The following PDE3B variants were observed in gnomAD, a reference collection of about 807,000 sequenced individuals.
The protein encoded by PDE3B is phosphodiesterase 3B.
In PDE3B, 66 loss-of-function variants were observed where a neutral mutation model predicts 116.8. The ratio of observed to expected loss-of-function variants is 0.56; its 90% CI spans 0.46 to 0.69. The LOEUF (loss-of-function observed/expected upper bound fraction) is 0.69, where lower values mean the gene tolerates loss of function less well. Ranked by LOEUF, PDE3B falls within the 30% of genes least tolerant of loss-of-function variation. The pLI is 0.00. For missense variants in PDE3B, 1,384 were observed against 1,368.1 expected (o/e 1.01, Z -0.18); for synonymous variants, 595 against 533.6 (o/e 1.12, Z -1.59).
At chr11:14,811,628 T>C (rs1859134629) in intron 5 of PDE3B, among the ~76,000 whole-genome samples, 2 of 152,120 alleles carry the variant, frequency 1.3e-5, no homozygotes, top group Admixed American at 1.3e-4. Flanking sequence ...ATGTGGGCTC[T>C]TTTTTGGTTC....
chr11:14,775,484 A>G (rs1857758771), intron 2 of PDE3B: 1 of 152,112 alleles, frequency 6.6e-6, no homozygotes, highest in African/African-American at 2.4e-5. Context: ...TACCATCCAA[A>G]TGGAAGGTTT....
At chr11:14,679,420 T>G (rs1390324253) in intron 1 of PDE3B, among the ~76,000 whole-genome samples, 2 of 152,200 alleles carry the variant, frequency 1.3e-5, no homozygotes, top group Admixed American at 6.5e-5. Context: ...TTTCTTGCTT[T>G]GTTTGTGCAT....
chr11:14,892,210 C>T, the PDE3B span: 3 of 1,608,952 alleles, frequency 1.9e-6, no homozygotes, highest in Non-Finnish European at 2.5e-6. Context: ...CCACATCGGC[C>T]CGAGCTGGAG....
downstream of PDE3B, among the ~76,000 whole-genome samples, chr11:14,875,511 G>A (rs1848180804): frequency 6.6e-6 from 1 of 152,090 alleles, no homozygotes; most frequent in East Asian, 1.9e-4. Context: ...TGAGAGAGAA[G>A]GCATCCCTAT....
chr11:14,643,823 GGGAAA>G lies in PDE3B; in HGVS notation c.-252_-248del, dbSNP rs1565067507. The G allele has an allele frequency of 1.1e-5, 5 of 449,316 alleles. No individual in the cohort carries two copies. The highest frequency in any genetic ancestry group is 3.8e-6 in the Non-Finnish European group (1 of 261,200). 27.8% of individuals were successfully genotyped at this position (449,316 alleles called of 1,614,324 possible). A position where few individuals can be genotyped will look rare whatever the true frequency, so the allele number is the denominator to read the frequency against. ...GTCTCCAGTCCCGAGAGGTGCCCGA[GGGAAA>G]AGGAGGCGGCAGCTAAACTGGTCCT... On this transcript the variant is annotated 5_prime_UTR_variant, in exon 1 of 16. Transcript: ENST00000282096.
chr11:14,790,572 A>T (rs1858351435), intron 4 of PDE3B, among the ~76,000 whole-genome samples: 1 of 152,080 alleles, frequency 6.6e-6, no homozygotes, highest in African/African-American at 2.4e-5. Flanking sequence ...TGCCTCAGAT[A>T]ATTGATTACA....
chr11:14,898,821 GCTT>G, the PDE3B span, among the ~76,000 whole-genome samples: 4 of 151,722 alleles, frequency 2.6e-5, no homozygotes, highest in Non-Finnish European at 5.9e-5. Flanking sequence ...CAAGTTGCTT[GCTT>G]CTTTTTTTTT....
In PDE3B at chr11:14,830,760, G is replaced by A; in HGVS notation, c.1870G>A (p.Glu624Lys). Residue 624 changes from glutamate (E) to lysine (K), a missense_variant, in exon 8 of 16, where the codon GAA (glutamate) becomes AAA (lysine). By Grantham distance (56) the Glu-to-Lys change is moderately conservative. This residue lies in a region of PDE3B where 956 missense variants were observed against 806.8 expected (regional missense o/e 1.18). Transcript: ENST00000282096. ...ACTTATGGAAACTCAACAAGAAGAGGAAACAGAGAAGAAAGACAGCAGAAA... is the reference window on the plus strand; with the variant it reads ...ACTTATGGAAACTCAACAAGAAGAGAAAACAGAGAAGAAAGACAGCAGAAA... ...FKLMETQQEE[E>K]TEKKDSRKLF... 1 of 1,537,556 alleles carries A rather than the reference G, an allele frequency of 6.5e-7. No individual in the cohort carries two copies. Among genetic ancestry groups the A allele is most frequent in the Non-Finnish European group, 8.7e-7 (1 of 1,146,814 alleles).
the PDE3B span, among the ~76,000 whole-genome samples, chr11:14,896,290 A>T: frequency 6.6e-6 from 1 of 152,196 alleles, no homozygotes; most frequent in South Asian, 2.1e-4. Flanking sequence ...TCCAAGTCAC[A>T]CAAGATAGCA....
intron 1 of PDE3B, among the ~76,000 whole-genome samples, chr11:14,672,046 CAT>C (rs1159116357): frequency 5.7e-5 from 8 of 141,274 alleles, no homozygotes; most frequent in African/African-American, 1.3e-4. Context: ...TATATATATA[CAT>C]ATATATATGT....
chr11:14,744,651 G>T (rs931578634), intron 1 of PDE3B, among the ~76,000 whole-genome samples: 1 of 152,134 alleles, frequency 6.6e-6, no homozygotes, highest in Admixed American at 6.5e-5. Context: ...AAAATAAATT[G>T]AGTAGTAGAT....
At chr11:14,836,330 A>G (rs1191068715) in intron 11 of PDE3B, among the ~76,000 whole-genome samples, 1 of 152,162 alleles carries the variant, frequency 6.6e-6, no homozygotes, top group Non-Finnish European at 1.5e-5. Context: ...AATATAATAT[A>G]TAAATATAAT....
rs569796068 is a variant in PDE3B, at chr11:14,828,727, T to A, written c.1808-1971T>A. Among the ~76,000 whole-genome samples the A allele has an allele frequency of 1.1e-4, 16 of 152,336 alleles. No individual in the cohort carries two copies. In the South Asian group the frequency reaches 3.3e-3, roughly 32 times the overall value. On this transcript the variant is annotated intron_variant, in intron 7 of 15. Coordinates refer to ENST00000282096, the MANE Select transcript of PDE3B (RefSeq NM_000922.4). ...ACTGTTGGTGGGAGTGTAAATTAGT[T>A]CGGTCATTGTGGTAGACAGTGTGGT...
chr11:14,890,123 G>A, the PDE3B span, among the ~76,000 whole-genome samples: 2 of 151,684 alleles, frequency 1.3e-5, no homozygotes, highest in Non-Finnish European at 1.5e-5. Context: ...AGCAAGACTC[G>A]TCTCAAATAA....
intron 1 of PDE3B, among the ~76,000 whole-genome samples, chr11:14,663,376 A>G (rs1452647629): frequency 6.6e-6 from 1 of 152,120 alleles, no homozygotes; most frequent in East Asian, 1.9e-4. Context: ...AAAGACCATC[A>G]AGGCTAGGAA....
intron 1 of PDE3B, among the ~76,000 whole-genome samples, chr11:14,729,974 T>C (rs771216780): frequency 6.6e-6 from 1 of 152,082 alleles, no homozygotes. Flanking sequence ...GTTGTAGAAC[T>C]AGGCTCAATA....
Position 14,780,957 on chromosome 11 carries a change from C to T in PDE3B, c.1030-5480C>T, listed in dbSNP as rs7944149. ...GAAGAAAAGAGAAGAATCAAATAGA[C>T]GTAATGAAAAATGATAAAGGGGATA... is the stretch of plus-strand genomic sequence containing the variant. On this transcript the variant is annotated intron_variant, in intron 2 of 15. Transcript: ENST00000282096. 1.4e-3 allele frequency among the ~76,000 whole-genome samples: 220 copies of T among 152,018 alleles called. 1 individual carries two copies. The highest frequency in any genetic ancestry group is 5.0e-3 in the African/African-American group (209 of 41,482).
At chr11:14,684,493 T>C (rs963757163) in intron 1 of PDE3B, among the ~76,000 whole-genome samples, 2 of 152,194 alleles carry the variant, frequency 1.3e-5, no homozygotes, top group Admixed American at 6.5e-5. Flanking sequence ...TCAGAACTAC[T>C]GATTAGGGTC....
At chr11:14,665,771 T>G (rs934799413) in intron 1 of PDE3B, among the ~76,000 whole-genome samples, 2 of 152,032 alleles carry the variant, frequency 1.3e-5, no homozygotes, top group South Asian at 2.1e-4. Flanking sequence ...CACTGCTCAA[T>G]GAAATAAAAG....
Sources: gnomAD v4.1 joint callset for allele counts (sites outside exome capture counted in the v4.1 genomes callset) on GRCh38, gnomAD v4.1.1 for gene constraint, gnomAD v4.1.1 regional missense constraint, MANE v1.5 for transcripts, NCBI Gene and HGNC (gene_info 2026-07-23, HGNC 2026-07-21) for gene names.